Variants in CPXM2 observed in about 807,000 individuals in gnomAD.
CPXM2 encodes inactive carboxypeptidase-like protein X2.
In CPXM2, 66 loss-of-function variants were observed where a neutral mutation model predicts 86.1. That is an observed-to-expected ratio of 0.77 (90% CI 0.63 to 0.94). The LOEUF is 0.94. CPXM2 is among the 40% of genes least tolerant of loss of function. The pLI, the probability that CPXM2 is intolerant of heterozygous loss-of-function variation, is 0.00. For missense variants in CPXM2, 948 were observed against 1,026.3 expected (o/e 0.92, Z 1.04); for synonymous variants, 388 against 400.2 (o/e 0.97, Z 0.36).
chr10:123,872,080 G>C (rs1040703005), intron 2 of CPXM2, among the ~76,000 whole-genome samples: 1 of 152,170 alleles, frequency 6.6e-6, no homozygotes, highest in African/African-American at 2.4e-5. Context: ...GAAGCAACTA[G>C]AACTTTCATT....
At chr10:123,881,238 C>A in intron 1 of CPXM2, among the ~76,000 whole-genome samples, 1 of 110,448 alleles carries the variant, frequency 9.1e-6, no homozygotes, top group Non-Finnish European at 2.0e-5. Flanking sequence ...CTTCTCTTCC[C>A]TTCCCTTCCC....
intron 4 of CPXM2, among the ~76,000 whole-genome samples, chr10:123,814,924 T>C (rs556400409): frequency 6.6e-6 from 1 of 152,090 alleles, no homozygotes; most frequent in Admixed American, 6.5e-5. Flanking sequence ...ACTCGGCAGG[T>C]TGAGCTGGGA....
At position 123,767,147 on chromosome 10, in the gene CPXM2, C is replaced by T. The variant is rs1462730237; in HGVS notation, c.1305G>A (p.Ser435=). 14 of 1,613,852 alleles carry T rather than the reference C, an allele frequency of 8.7e-6. No individual in the cohort carries two copies. The highest frequency in any genetic ancestry group is 4.4e-5 in the South Asian group (4 of 91,072). Residue 435 remains serine, a synonymous_variant, in exon 10 of 14, where the codon TCG becomes TCA. Coordinates refer to ENST00000241305, the MANE Select transcript of CPXM2 (RefSeq NM_198148.3). ...DGYEKAYEGG[S]ELGGWSLGRW... ...GTCCCAGGGACCAGCCTCCCAGCTC[C>T]GAGCCCTGGAGACAAGTGAGAGTGT... is the stretch of plus-strand genomic sequence containing the variant.
chr10:123,932,380 C>G (rs2134287797), intron 2 of CPXM2, among the ~76,000 whole-genome samples: 1 of 152,270 alleles, frequency 6.6e-6, no homozygotes, highest in East Asian at 1.9e-4. Context: ...AAATTAACAC[C>G]CCATAGGACA....
intron 3 of CPXM2, among the ~76,000 whole-genome samples, chr10:123,843,492 G>T (rs552977115): frequency 3.2e-4 from 44 of 135,592 alleles, no homozygotes; most frequent in African/African-American, 1.2e-3. Flanking sequence ...GGAGTGCAGT[G>T]GCGCCATCTC....
At chr10:123,927,591 A>G (rs2134283854) in intron 2 of CPXM2, among the ~76,000 whole-genome samples, 1 of 152,330 alleles carries the variant, frequency 6.6e-6, no homozygotes, top group Non-Finnish European at 1.5e-5. Context: ...ATTTATACCA[A>G]GCAAGTGAGC....
At chr10:123,775,160 G>A (rs1031987841) in intron 7 of CPXM2, among the ~76,000 whole-genome samples, 3 of 152,316 alleles carry the variant, frequency 2.0e-5, no homozygotes, top group African/African-American at 7.2e-5. Flanking sequence ...AGGTGTAGTA[G>A]AGAAATGAGA....
intron 4 of CPXM2, among the ~76,000 whole-genome samples, chr10:123,808,733 A>C (rs999753961): frequency 6.6e-6 from 1 of 152,202 alleles, no homozygotes; most frequent in Non-Finnish European, 1.5e-5. Flanking sequence ...TTAAACCCAT[A>C]AGAAAATATT....
intron 3 of CPXM2, among the ~76,000 whole-genome samples, chr10:123,848,660 T>G (rs1848543710): frequency 1.3e-5 from 2 of 152,228 alleles, no homozygotes; most frequent in Non-Finnish European, 2.9e-5. Context: ...ACATTGTATA[T>G]CTATGGAACA....
At chr10:123,864,631 C>T (rs991900728) in intron 2 of CPXM2, among the ~76,000 whole-genome samples, 1 of 152,182 alleles carries the variant, frequency 6.6e-6, no homozygotes, top group African/African-American at 2.4e-5. Context: ...AGCAAAGCCA[C>T]CTTTATTTAT....
At chr10:123,941,794 G>T (rs890284566), upstream of CPXM2, among the ~76,000 whole-genome samples, 4 of 152,178 alleles carry the variant, frequency 2.6e-5, no homozygotes, top group African/African-American at 9.7e-5. Flanking sequence ...GAGGCCAGAA[G>T]AACTGGTTCT....
intron 2 of CPXM2, among the ~76,000 whole-genome samples, chr10:123,923,313 G>T (rs760513562): frequency 2.7e-4 from 41 of 152,116 alleles, no homozygotes; most frequent in Non-Finnish European, 5.0e-4. Flanking sequence ...GGGCGCGGTG[G>T]CTCACGCCTG....
Position 123,885,566 on chromosome 10 carries a change from A to G in CPXM2, c.305-5257T>C, listed in dbSNP as rs1945167313. On this transcript the variant is annotated intron_variant, in intron 1 of 13. Transcript: ENST00000241305. The surrounding 1 kb of genome is among the most constrained non-coding windows in gnomAD (Gnocchi z 4.0). ...GAAGCTGTTTTGTGCCATGCTAACC[A>G]TCCTATGATGCCCAACGAGTAGCCA... Among the ~76,000 whole-genome samples the G allele has an allele frequency of 6.6e-6, 1 of 152,186 alleles. No homozygotes were observed. Among genetic ancestry groups the G allele is most frequent in the South Asian group, 2.1e-4 (1 of 4,832 alleles).
chr10:123,880,778 G>A (rs372310995), intron 1 of CPXM2, among the ~76,000 whole-genome samples: 1 of 130,006 alleles, frequency 7.7e-6, no homozygotes, highest in South Asian at 2.6e-4. Flanking sequence ...GCAGTGAGAC[G>A]AGATTGCGCC....
chr10:123,799,548 C>T (rs55842044), intron 4 of CPXM2, among the ~76,000 whole-genome samples: 13,162 of 152,300 alleles, frequency 0.086, 597 homozygotes, highest in African/African-American at 0.14. Context: ...ACTGTTTGCA[C>T]TGAACACCTA....
chr10:123,892,949 C>T (rs185300718), upstream of CPXM2, among the ~76,000 whole-genome samples: 11 of 152,198 alleles, frequency 7.2e-5, no homozygotes, highest in African/African-American at 2.4e-4. Flanking sequence ...AGCTTCAAAT[C>T]GCTTCCCTTC....
chr10:123,762,041 C>A lies in CPXM2; in HGVS notation c.1608G>T (p.Thr536=), dbSNP rs140485162. ...CGTCGGGGGTGGGGGTGTGTTCCTG[C>A]GTCTTCCAGGGGGACCGCACCAGGT... is the stretch of plus-strand genomic sequence containing the variant. ...PYDLVRSPWK[T]QEHTPTPDDH... is the part of the protein sequence containing the mutation. The change falls in exon 11 of 14, where the codon ACG becomes ACT. Residue 536 remains threonine, a synonymous_variant. Transcript: ENST00000241305. 56 of 1,613,836 alleles carry A rather than the reference C, an allele frequency of 3.5e-5. No individual in the cohort carries two copies. The highest frequency in any genetic ancestry group is 4.1e-5 in the Non-Finnish European group (48 of 1,179,970).
intron 3 of CPXM2, among the ~76,000 whole-genome samples, chr10:123,852,501 A>G (rs747553599): frequency 1.2e-4 from 19 of 152,292 alleles, no homozygotes; most frequent in South Asian, 2.1e-4. Flanking sequence ...CTCTGCTTCA[A>G]TGCTTGCTCC....
In CPXM2 at chr10:123,891,407, GC is replaced by G; in HGVS notation, c.252del (p.Lys84AsnfsTer27). On this transcript the variant is annotated frameshift_variant, in exon 1 of 14. Coordinates refer to ENST00000241305, the MANE Select transcript of CPXM2 (RefSeq NM_198148.3). LOFTEE classifies it high-confidence loss of function. The surrounding 1 kb of genome is among the most constrained non-coding windows in gnomAD (Gnocchi z 5.6). ...QEPRPPKRAT[K>X]PKKAPKREKS... ...TTCTCCCTCTTGGGAGCTTTCTTGG[GC>G]TTGGTGGCCCTCTTGGGCGGCCTGG... The G allele has an allele frequency of 6.4e-7, 1 of 1,566,558 alleles. No homozygotes were observed.
Sources: gnomAD v4.1 joint callset for allele counts (sites outside exome capture counted in the v4.1 genomes callset) on GRCh38, gnomAD v4.1.1 for gene constraint, Gnocchi (gnomAD v3.1) non-coding constraint, MANE v1.5 for transcripts, NCBI Gene and HGNC (gene_info 2026-07-23, HGNC 2026-07-21) for gene names.